PPIG: variants seen among roughly 807,000 people sequenced by gnomAD.
The protein encoded by PPIG is peptidylprolyl isomerase G, also known as peptidyl-prolyl cis-trans isomerase G.
In PPIG, 26 loss-of-function variants were observed where a neutral mutation model predicts 87.9. That is an observed-to-expected ratio of 0.30 (90% CI 0.22 to 0.41). PPIG has a LOEUF of 0.41. Ranked by LOEUF, PPIG falls within the 10% of genes least tolerant of loss-of-function variation. The probability of loss-of-function intolerance (pLI) is 1.00; values close to 1 mark genes in which losing one functional copy is unlikely to be tolerated. For missense variants in PPIG, 722 were observed against 879.4 expected, an observed-to-expected ratio of 0.82 and a Z score of 2.26; for synonymous variants, 308 against 276.5, an observed-to-expected ratio of 1.11 and a Z score of -1.13.
intron 9 of PPIG, among the ~76,000 whole-genome samples, chr2:169,617,208 C>T (rs1428411346): frequency 2.6e-5 from 4 of 152,052 alleles, no homozygotes; most frequent in Non-Finnish European, 4.4e-5. Context: ...TGTTCTGTTC[C>T]ATTGGTCTAT....
intron 4 of PPIG, 57 bp downstream of exon 4, chr2:169,604,318 G>A: frequency 1.2e-6 from 1 of 826,510 alleles, no homozygotes; most frequent in Non-Finnish European, 1.8e-6. Flanking sequence ...TGGCTTGCTT[G>A]CTTGCTTGGT....
rs553898966 is a variant in PPIG at position 169,640,725 on chromosome 2, C to A, written c.*3202C>A. On this transcript the variant is annotated 3_prime_UTR_variant, in exon 14 of 14. Coordinates refer to ENST00000260970, the MANE Select transcript of PPIG (RefSeq NM_004792.3). Reference sequence around the variant, plus strand: ...TATTGTGAAAAGATGTGTTTTGTTACAAATACTTGTTTTAAAAATTAATAA... The same window carrying A: ...TATTGTGAAAAGATGTGTTTTGTTAAAAATACTTGTTTTAAAAATTAATAA... The A allele has an allele frequency of 6.6e-6, 1 of 152,232 alleles. No individual in the cohort carries two copies. Among genetic ancestry groups the A allele is most frequent in the Non-Finnish European group, 1.5e-5 (1 of 67,988 alleles). The allele number at this position is 152,232 out of a possible 1,614,324, so 9.4% of individuals were successfully genotyped here.
intron 1 of PPIG, among the ~76,000 whole-genome samples, chr2:169,602,991 A>G (rs950306655): frequency 3.9e-5 from 6 of 152,194 alleles, no homozygotes; most frequent in African/African-American, 1.2e-4. Context: ...TATGAGGGAA[A>G]GTGGAACCGA....
chr2:169,610,922 AT>A (rs1418692980), intron 7 of PPIG, among the ~76,000 whole-genome samples: 1 of 152,144 alleles, frequency 6.6e-6, no homozygotes, highest in Non-Finnish European at 1.5e-5. Context: ...AAAACAACTT[AT>A]GGCTGGGTGC....
intron 12 of PPIG, among the ~76,000 whole-genome samples, chr2:169,634,022 T>C (rs1240874969): frequency 6.6e-6 from 1 of 151,782 alleles, no homozygotes; most frequent in East Asian, 1.9e-4. Flanking sequence ...AGATACAAGG[T>C]TTCACCATGT....
chr2:169,606,880 T>G (rs1685346317), intron 5 of PPIG, among the ~76,000 whole-genome samples: 1 of 152,192 alleles, frequency 6.6e-6, no homozygotes, highest in Non-Finnish European at 1.5e-5. Flanking sequence ...TTTTAAAATA[T>G]ATTTTAATAG....
chr2:169,614,764 A>G (rs778397695), intron 9 of PPIG, 40 bp downstream of exon 9: 7 of 1,556,576 alleles, frequency 4.5e-6, no homozygotes, highest in African/African-American at 4.1e-5. Context: ...ACTTACACAT[A>G]CAAAATAAGC....
intron 9 of PPIG, among the ~76,000 whole-genome samples, chr2:169,625,488 T>A (rs779833115): frequency 6.6e-6 from 1 of 152,214 alleles, no homozygotes; most frequent in Non-Finnish European, 1.5e-5. Flanking sequence ...CGTATTATTG[T>A]AAACTCTTTC....
Position 169,584,355 on chromosome 2 carries a change from C to A in PPIG, c.-205C>A. 2.1e-6 allele frequency: 1 copy of A among 471,068 alleles called. No homozygotes were observed. Among genetic ancestry groups the A allele is most frequent in the Non-Finnish European group, 4.4e-6 (1 of 227,054 alleles). 29.2% of individuals were successfully genotyped at this position (471,068 alleles called of 1,614,324 possible). A position where few individuals can be genotyped will look rare whatever the true frequency, so the allele number is the denominator to read the frequency against. On this transcript the variant is annotated 5_prime_UTR_variant, in exon 1 of 14. Coordinates refer to ENST00000260970, the MANE Select transcript of PPIG (RefSeq NM_004792.3). Reference sequence around the variant, plus strand: ...CACTCCTGACGCGCTTCCGGTGCGACGCTGTCTCTCCATGCCAGGACTGAG... The same window carrying A: ...CACTCCTGACGCGCTTCCGGTGCGAAGCTGTCTCTCCATGCCAGGACTGAG...
intron 1 of PPIG, among the ~76,000 whole-genome samples, chr2:169,601,668 G>T (rs955798085): frequency 6.6e-5 from 10 of 152,064 alleles, no homozygotes; most frequent in African/African-American, 2.4e-4. Context: ...GTGGCAGGGG[G>T]AACAAGCAGG....
At chr2:169,586,066 C>T (rs554650813) in intron 1 of PPIG, among the ~76,000 whole-genome samples, 1 of 152,066 alleles carries the variant, frequency 6.6e-6, no homozygotes, top group African/African-American at 2.4e-5. Flanking sequence ...TTAGCACTCC[C>T]CTTTTTTTTA....
At chr2:169,621,307 C>T (rs1178294949) in intron 9 of PPIG, among the ~76,000 whole-genome samples, 1 of 151,482 alleles carries the variant, frequency 6.6e-6, no homozygotes, top group Non-Finnish European at 1.5e-5. Context: ...TTTTTTTTGT[C>T]TGCATTCCAT....
chr2:169,610,212 T>A (rs945035871), intron 7 of PPIG, among the ~76,000 whole-genome samples: 8 of 152,234 alleles, frequency 5.3e-5, no homozygotes, highest in Admixed American at 2.0e-4. Flanking sequence ...GGCGCCTGAT[T>A]ATCTTCAACA....
intron 7 of PPIG, among the ~76,000 whole-genome samples, chr2:169,611,972 CTATT>C (rs199977660): frequency 3.0e-4 from 45 of 152,006 alleles, no homozygotes; most frequent in African/African-American, 6.0e-4. Context: ...TTGTTTATAG[CTATT>C]TATTTATTTA....
At chr2:169,600,702 T>C (rs1418480920) in intron 1 of PPIG, among the ~76,000 whole-genome samples, 1 of 152,088 alleles carries the variant, frequency 6.6e-6, no homozygotes, top group Non-Finnish European at 1.5e-5. Flanking sequence ...AAATATATAA[T>C]TGAAGATTTA....
At chr2:169,593,585 G>T (rs1490536183) in intron 1 of PPIG, among the ~76,000 whole-genome samples, 1 of 151,414 alleles carries the variant, frequency 6.6e-6, no homozygotes, top group Admixed American at 6.6e-5. Context: ...GTAAGTCTTT[G>T]CCTGAGCTTG....
At chr2:169,597,442 C>T (rs992000938) in intron 1 of PPIG, among the ~76,000 whole-genome samples, 60 of 151,926 alleles carry the variant, frequency 3.9e-4, no homozygotes, top group African/African-American at 1.4e-3. Context: ...TGCAGGTGCA[C>T]GTCACCATGC....
Position 169,637,364 on chromosome 2 carries a change from GTCC to G in PPIG, c.2110_2112del (p.Ser704del). ...AAAGCAGTCAGGACAATGAATTAAA[GTCC>G]TCCATGTTGAAAAATAAGGAGGATG... On this transcript the variant is annotated inframe_deletion, in exon 14 of 14. Coordinates refer to ENST00000260970, the MANE Select transcript of PPIG (RefSeq NM_004792.3). 1 of 1,611,244 alleles carries G rather than the reference GTCC, an allele frequency of 6.2e-7. No homozygotes were observed.
rs915768060 is a variant in PPIG, at chr2:169,607,082, A to G, written c.245-22A>G. ...TTTGAGGAGCTTACTGAGAGTTATA[A>G]GAGTATGTTTTTCATTTTTAGGAAA... On this transcript the variant is annotated intron_variant, in intron 5 of 13. Coordinates refer to ENST00000260970, the MANE Select transcript of PPIG (RefSeq NM_004792.3). 9.9e-6 allele frequency: 15 copies of G among 1,511,164 alleles called. No individual in the cohort carries two copies. In the African/African-American group the frequency reaches 1.4e-4, roughly 14 times the overall value. The allele number at this position is 1,511,164 out of a possible 1,614,324, so 93.6% of individuals were successfully genotyped here.
Sources: gnomAD v4.1 joint callset for allele counts (sites outside exome capture counted in the v4.1 genomes callset) on GRCh38, gnomAD v4.1.1 for gene constraint, MANE v1.5 for transcripts, NCBI Gene and HGNC (gene_info 2026-07-23, HGNC 2026-07-21) for gene names.